PLCG2: variants seen among roughly 807,000 people sequenced by gnomAD.
PLCG2 encodes phospholipase C gamma 2, also known as 1-phosphatidylinositol 4,5-bisphosphate phosphodiesterase gamma-2.
Under a neutral mutation model 175.6 loss-of-function variants are expected in PLCG2, and 69 were observed. The ratio of observed to expected loss-of-function variants is 0.39; its 90% CI spans 0.32 to 0.48. The LOEUF is 0.48. Ranked by LOEUF, PLCG2 falls within the 20% of genes least tolerant of loss-of-function variation. PLCG2 has a pLI of 0.91. For synonymous variants in PLCG2, 827 were observed against 624.0 expected (o/e 1.33, Z -4.85); for missense variants, 1,798 against 1,650.9 (o/e 1.09, Z -1.54).
chr16:81,796,997 G>C (rs1237845922), intron 2 of PLCG2, among the ~76,000 whole-genome samples: 1 of 152,202 alleles, frequency 6.6e-6, no homozygotes, highest in African/African-American at 2.4e-5. Flanking sequence ...ACTATGGATG[G>C]GTTGTGGTTT....
At chr16:81,784,721 C>A (rs1910893661) in intron 1 of PLCG2, among the ~76,000 whole-genome samples, 1 of 152,160 alleles carries the variant, frequency 6.6e-6, no homozygotes, top group Non-Finnish European at 1.5e-5. Context: ...TTAAGCCTTA[C>A]AAAAACATTT....
chr16:81,802,801 C>A (rs1160374115), intron 2 of PLCG2, among the ~76,000 whole-genome samples: 1 of 152,058 alleles, frequency 6.6e-6, no homozygotes, highest in Non-Finnish European at 1.5e-5. Context: ...GAACTCCTGA[C>A]CTCAGGTGAT....
intron 9 of PLCG2, among the ~76,000 whole-genome samples, chr16:81,887,124 T>C (rs375218804): frequency 7.0e-4 from 106 of 151,974 alleles, no homozygotes; most frequent in African/African-American, 2.2e-3. Flanking sequence ...AGTTGTTTTT[T>C]TTTTTTTTCT....
intron 2 of PLCG2, among the ~76,000 whole-genome samples, chr16:81,770,563 C>A (rs1009429988): frequency 6.6e-6 from 1 of 150,676 alleles, no homozygotes. Context: ...TAAATACAAA[C>A]ATCTAGCCAG....
chr16:81,941,614 A>G (rs1420656457), intron 30 of PLCG2, among the ~76,000 whole-genome samples: 1 of 148,044 alleles, frequency 6.8e-6, no homozygotes, highest in East Asian at 2.0e-4. Context: ...GAACATTGCT[A>G]CTCTAGCAAT....
At chr16:81,752,058 T>G (rs942647536) in intron 1 of PLCG2, among the ~76,000 whole-genome samples, 1 of 151,190 alleles carries the variant, frequency 6.6e-6, no homozygotes, top group African/African-American at 2.4e-5. Context: ...TATATGTATA[T>G]AATATATATA....
At chr16:81,802,630 G>A (rs183536365) in intron 2 of PLCG2, among the ~76,000 whole-genome samples, 7 of 152,092 alleles carry the variant, frequency 4.6e-5, no homozygotes, top group Middle Eastern at 3.4e-3. Flanking sequence ...GGAGTGCAGT[G>A]GCGCAATCTC....
chr16:81,959,913 C>G lies in PLCG2; in HGVS notation c.*1915C>G, dbSNP rs1567551430. The G allele has an allele frequency of 5.1e-6, 1 of 195,792 alleles. No homozygotes were observed. The highest frequency in any genetic ancestry group is 1.1e-5 in the Non-Finnish European group (1 of 94,390). 12.1% of individuals were successfully genotyped at this position (195,792 alleles called of 1,614,324 possible). A position where few individuals can be genotyped will look rare whatever the true frequency, so the allele number is the denominator to read the frequency against. On this transcript the variant is annotated 3_prime_UTR_variant, in exon 33 of 33. Coordinates refer to ENST00000564138, the MANE Select transcript of PLCG2 (RefSeq NM_002661.5). ...TTCATTCTACTTTAAAGCCACAGTG[C>G]TAAGGCCTGCATCCCCTTTCTGCCC...
intron 2 of PLCG2, among the ~76,000 whole-genome samples, chr16:81,835,924 C>T (rs72832056): frequency 0.086 from 13,029 of 152,184 alleles, 623 homozygotes; most frequent in Middle Eastern, 0.13. Flanking sequence ...TTCCCTCTTA[C>T]AAGGACAGTA....
chr16:81,882,828 C>G (rs1197585795), intron 8 of PLCG2, among the ~76,000 whole-genome samples: 1 of 152,060 alleles, frequency 6.6e-6, no homozygotes, highest in African/African-American at 2.4e-5. Flanking sequence ...AAGTAGGTGC[C>G]TTTTCCTCAG....
chr16:81,780,919 C>G (rs1334702692), intron 1 of PLCG2, among the ~76,000 whole-genome samples: 1 of 152,088 alleles, frequency 6.6e-6, no homozygotes, highest in Non-Finnish European at 1.5e-5. Context: ...CCCAGCTACC[C>G]AGGAGGCTGA....
intron 24 of PLCG2, among the ~76,000 whole-genome samples, chr16:81,930,943 T>C (rs755274909): frequency 3.9e-5 from 6 of 152,266 alleles, no homozygotes; most frequent in Non-Finnish European, 7.4e-5. Context: ...ATGTATTGTT[T>C]TAGTAATTTG....
chr16:81,810,027 G>C (rs371089713), intron 2 of PLCG2, among the ~76,000 whole-genome samples: 1 of 150,844 alleles, frequency 6.6e-6, no homozygotes, highest in African/African-American at 2.4e-5. Context: ...GAGCCTACCT[G>C]TGTCACCAGG....
At position 81,959,566 on chromosome 16, in the gene PLCG2, G is replaced by A. The variant is rs914328420; in HGVS notation, c.*1568G>A. ...CACAGGGAACAGCAGTCTGGCCAAG[G>A]AAGGGCTGTTATCTGGTGCTATCAC... On this transcript the variant is annotated 3_prime_UTR_variant, in exon 33 of 33. Coordinates refer to ENST00000564138, the MANE Select transcript of PLCG2 (RefSeq NM_002661.5). The A allele has an allele frequency of 1.0e-4, 21 of 203,002 alleles. No homozygotes were observed. Among genetic ancestry groups the A allele is most frequent in the African/African-American group, 4.3e-4 (19 of 43,782 alleles). 12.6% of individuals were successfully genotyped at this position (203,002 alleles called of 1,614,324 possible). A position where few individuals can be genotyped will look rare whatever the true frequency, so the allele number is the denominator to read the frequency against.
chr16:81,815,448 G>T (rs1445145398), intron 2 of PLCG2, among the ~76,000 whole-genome samples: 1 of 152,190 alleles, frequency 6.6e-6, no homozygotes, highest in Non-Finnish European at 1.5e-5. Flanking sequence ...AAACTGCAGG[G>T]GCTGAGAGAC....
chr16:81,845,397 A>G (rs1036644047), intron 2 of PLCG2, among the ~76,000 whole-genome samples: 1 of 152,216 alleles, frequency 6.6e-6, no homozygotes, highest in Non-Finnish European at 1.5e-5. Context: ...ACACTCATTT[A>G]ATCCCCACAA....
intron 25 of PLCG2, among the ~76,000 whole-genome samples, chr16:81,932,185 T>C (rs1910530534): frequency 6.6e-6 from 1 of 151,942 alleles, no homozygotes; most frequent in Admixed American, 6.6e-5. Flanking sequence ...GCTGGAAGTG[T>C]TTTGGGAAGG....
chr16:81,788,356 C>T (rs1458285986), intron 2 of PLCG2, among the ~76,000 whole-genome samples: 1 of 152,198 alleles, frequency 6.6e-6, no homozygotes, highest in African/African-American at 2.4e-5. Context: ...TGTCAGCTCA[C>T]TGCAAGCTCC....
At position 81,848,406 on chromosome 16, in the gene PLCG2, C is replaced by T. The variant is rs113104341; in HGVS notation, c.194-6038C>T. ...TTTGGGCCCTTTGGAAGGGGGTGTGCGGATGTGCAGGGCTGCTTGTATCAT... is the reference window on the plus strand; with the variant it reads ...TTTGGGCCCTTTGGAAGGGGGTGTGTGGATGTGCAGGGCTGCTTGTATCAT... On this transcript the variant is annotated intron_variant, in intron 2 of 32. Transcript: ENST00000564138. 4.3e-4 allele frequency among the ~76,000 whole-genome samples: 66 copies of T among 152,202 alleles called. 2 individuals are homozygous for T. Among genetic ancestry groups the T allele is most frequent in the African/African-American group, 1.5e-3 (63 of 41,512 alleles).
Sources: gnomAD v4.1 joint callset for allele counts (sites outside exome capture counted in the v4.1 genomes callset) on GRCh38, gnomAD v4.1.1 for gene constraint, MANE v1.5 for transcripts, NCBI Gene and HGNC (gene_info 2026-07-23, HGNC 2026-07-21) for gene names.